The following CSMD2 variants were observed in gnomAD, a reference collection of about 807,000 sequenced individuals.
The protein encoded by CSMD2 is CUB and Sushi multiple domains 2, also known as CUB and sushi domain-containing protein 2.
CSMD2 carries 130 observed loss-of-function variants against 398.5 expected under a neutral mutation model. The observed-to-expected ratio is 0.33, with a 90% CI of 0.28 to 0.38. The LOEUF is 0.38. CSMD2 is among the 10% of genes least tolerant of loss of function. The probability of loss-of-function intolerance (pLI) is 1.00; values close to 1 mark genes in which losing one functional copy is unlikely to be tolerated. For synonymous variants in CSMD2, 1,828 were observed against 1,908.5 expected (o/e 0.96, Z 1.10); for missense variants, 3,829 against 4,764.9 (o/e 0.80, Z 5.78).
rs1472435872 is a variant in CSMD2 at position 33,697,120 on chromosome 1, T to C, written c.3925+1633A>G. 2.0e-5 allele frequency among the ~76,000 whole-genome samples: 3 copies of C among 152,216 alleles called. 1 individual carries two copies. The East Asian group carries it at 5.8e-4, about 29-fold the overall frequency. ...CCCAATAAGTCCAGTCCAACTGGCA[T>C]ATTTGATATTCAAAGTAATCTTACA... On this transcript the variant is annotated intron_variant, in intron 24 of 70. Coordinates refer to ENST00000373381, the MANE Select transcript of CSMD2 (RefSeq NM_001281956.2).
At chr1:33,730,010 G>A (rs1646670666) in intron 15 of CSMD2, among the ~76,000 whole-genome samples, 1 of 152,212 alleles carries the variant, frequency 6.6e-6, no homozygotes, top group South Asian at 2.1e-4. Context: ...ACAAGGTTAT[G>A]CAAGGTAGCA....
chr1:33,748,275 T>C (rs573750326), intron 13 of CSMD2, among the ~76,000 whole-genome samples: 1 of 152,310 alleles, frequency 6.6e-6, no homozygotes, highest in African/African-American at 2.4e-5. Context: ...AGCCTACTTC[T>C]CAGTGTCGCA....
intron 5 of CSMD2, among the ~76,000 whole-genome samples, chr1:33,865,251 G>C (rs1394469506): frequency 2.6e-5 from 4 of 151,744 alleles, no homozygotes; most frequent in Non-Finnish European, 4.4e-5. Context: ...GCTCACACTT[G>C]AGGCCCCAGG....
chr1:33,833,195 T>C (rs192104382), intron 6 of CSMD2, among the ~76,000 whole-genome samples: 1 of 121,928 alleles, frequency 8.2e-6, no homozygotes, highest in African/African-American at 3.4e-5. Flanking sequence ...AGAGACACAA[T>C]CAAAAAAGAG....
intron 29 of CSMD2, among the ~76,000 whole-genome samples, chr1:33,643,497 T>C (rs1204977431): frequency 6.6e-6 from 1 of 152,180 alleles, no homozygotes; most frequent in African/African-American, 2.4e-5. Flanking sequence ...TCAAAGTACA[T>C]ATCAAATACT....
intron 12 of CSMD2, among the ~76,000 whole-genome samples, chr1:33,783,335 A>G (rs1653035543): frequency 2.6e-5 from 4 of 151,994 alleles, no homozygotes; most frequent in Admixed American, 1.3e-4. Flanking sequence ...TGGGGCCTCT[A>G]AGGAAGTAAT....
chr1:34,089,688 T>C (rs1658332354), intron 1 of CSMD2, among the ~76,000 whole-genome samples: 1 of 152,190 alleles, frequency 6.6e-6, no homozygotes, highest in South Asian at 2.1e-4. Context: ...TCTTCATTCC[T>C]GCTACAGAGG....
At chr1:34,021,413 C>CT (rs1648863590) in intron 3 of CSMD2, among the ~76,000 whole-genome samples, 1 of 152,202 alleles carries the variant, frequency 6.6e-6, no homozygotes. Context: ...GGACAACCCT[C>CT]TCCCCTTCTA....
chr1:33,850,225 A>ATG (rs1638604542), intron 5 of CSMD2, among the ~76,000 whole-genome samples: 1 of 151,572 alleles, frequency 6.6e-6, no homozygotes, highest in African/African-American at 2.4e-5. Context: ...CTGAGTGTGC[A>ATG]CGCACACACA....
intron 1 of CSMD2, among the ~76,000 whole-genome samples, chr1:34,149,707 C>T (rs1017031688): frequency 3.9e-5 from 6 of 152,172 alleles, no homozygotes; most frequent in African/African-American, 1.4e-4. Flanking sequence ...CCAGGCTCTT[C>T]CAGGGGGCTG....
At chr1:33,704,281 C>T (rs1275186275) in intron 22 of CSMD2, among the ~76,000 whole-genome samples, 1 of 151,976 alleles carries the variant, frequency 6.6e-6, no homozygotes, top group Non-Finnish European at 1.5e-5. Context: ...TTCTATATTC[C>T]TTTCTAATTT....
intron 12 of CSMD2, among the ~76,000 whole-genome samples, chr1:33,784,997 TG>T (rs1653342520): frequency 6.6e-6 from 1 of 152,206 alleles, no homozygotes; most frequent in Admixed American, 6.5e-5. Flanking sequence ...TAGAATCCAC[TG>T]CCTCTGTGCA....
intron 3 of CSMD2, among the ~76,000 whole-genome samples, chr1:33,953,027 A>G (rs908962444): frequency 1.1e-4 from 16 of 152,304 alleles, no homozygotes; most frequent in African/African-American, 3.6e-4. Context: ...GTCTAGCTCC[A>G]CCAAAATTCC....
chr1:33,666,971 G>A (rs1390233118), intron 25 of CSMD2, among the ~76,000 whole-genome samples: 2 of 152,138 alleles, frequency 1.3e-5, no homozygotes, highest in African/African-American at 4.8e-5. Flanking sequence ...GCTTTCTTTG[G>A]ATTTAATAAC....
intron 5 of CSMD2, among the ~76,000 whole-genome samples, chr1:33,910,212 CCT>C (rs1192394689): frequency 6.6e-6 from 1 of 152,178 alleles, no homozygotes; most frequent in African/African-American, 2.4e-5. Context: ...CTTATGGAAT[CCT>C]CTCTGGCTTA....
At chr1:33,733,167 AGAAGTAGTG>A (rs1646775871) in intron 15 of CSMD2, among the ~76,000 whole-genome samples, 1 of 152,192 alleles carries the variant, frequency 6.6e-6, no homozygotes, top group Non-Finnish European at 1.5e-5. Flanking sequence ...GTGAGTGACC[AGAAGTAGTG>A]GAAGTCCTTT....
chr1:34,115,565 G>A (rs773675991), intron 1 of CSMD2, among the ~76,000 whole-genome samples: 2 of 152,074 alleles, frequency 1.3e-5, no homozygotes, highest in East Asian at 1.9e-4. Context: ...GGAGTTCATC[G>A]CCATTAGATC....
chr1:33,574,226 G>A (rs1241629176), intron 49 of CSMD2, among the ~76,000 whole-genome samples: 1 of 152,050 alleles, frequency 6.6e-6, no homozygotes, highest in South Asian at 2.1e-4. Context: ...AAAAATGACA[G>A]AACTAACTCA....
rs1293312039 is a variant in CSMD2 at position 33,519,455 on chromosome 1, C to T, written c.*53+10G>A. The T allele has an allele frequency of 3.9e-6, 6 of 1,549,646 alleles. No individual in the cohort carries two copies. Among genetic ancestry groups the T allele is most frequent in the Non-Finnish European group, 5.3e-6 (6 of 1,130,330 alleles). On this transcript the variant is annotated intron_variant, in intron 70 of 70. Coordinates refer to ENST00000373381, the MANE Select transcript of CSMD2 (RefSeq NM_001281956.2). This position sits in a 1 kb window ranked among gnomAD's most constrained non-coding sequence, Gnocchi z 5.6. ...GTCATGGCCTGTCTTCCTCCCACAC[C>T]CCTGCTCACCGGCTGCTGGAGGCGG...
Sources: gnomAD v4.1 joint callset for allele counts (sites outside exome capture counted in the v4.1 genomes callset) on GRCh38, gnomAD v4.1.1 for gene constraint, Gnocchi (gnomAD v3.1) non-coding constraint, MANE v1.5 for transcripts, NCBI Gene and HGNC (gene_info 2026-07-23, HGNC 2026-07-21) for gene names.